Variants in PDE4D observed in about 807,000 individuals in gnomAD.
PDE4D encodes the protein 3',5'-cyclic-AMP phosphodiesterase 4D.
A neutral mutation model predicts 87.4 loss-of-function variants in PDE4D; 24 were observed. The observed-to-expected ratio is 0.27, with a 90% CI of 0.20 to 0.39. PDE4D has a LOEUF of 0.39. Among genes scored for constraint, PDE4D ranks in the 10% least tolerant of loss-of-function variants. PDE4D has a pLI of 1.00. For missense variants in PDE4D, 714 were observed against 1,041.0 expected (o/e 0.69, Z 4.32); for synonymous variants, 384 against 383.2 (o/e 1.00, Z -0.02).
At chr5:59,075,183 C>T (rs1156740566) in intron 5 of PDE4D, among the ~76,000 whole-genome samples, 1 of 150,614 alleles carries the variant, frequency 6.6e-6, no homozygotes, top group Non-Finnish European at 1.5e-5. Flanking sequence ...TAACTAGTTT[C>T]CATGGATGGA....
At chr5:59,782,724 A>G (rs1334019335) in intron 1 of PDE4D, among the ~76,000 whole-genome samples, 2 of 152,236 alleles carry the variant, frequency 1.3e-5, no homozygotes, top group Non-Finnish European at 2.9e-5. Flanking sequence ...TTTCTGCCAA[A>G]GTAATACAGT....
intron 1 of PDE4D, among the ~76,000 whole-genome samples, chr5:59,562,768 A>G (rs1561213007): frequency 6.6e-6 from 1 of 152,160 alleles, no homozygotes; most frequent in African/African-American, 2.4e-5. Context: ...CAGGAAACTG[A>G]TAACAGTGGC....
intron 2 of PDE4D, among the ~76,000 whole-genome samples, chr5:60,000,664 TG>T (rs1763933919): frequency 6.6e-6 from 1 of 152,152 alleles, no homozygotes; most frequent in Non-Finnish European, 1.5e-5. Flanking sequence ...AATATTGCAA[TG>T]GTGGTGCATA....
At chr5:59,631,988 A>G (rs772875086) in intron 1 of PDE4D, among the ~76,000 whole-genome samples, 8 of 152,168 alleles carry the variant, frequency 5.3e-5, no homozygotes, top group African/African-American at 9.7e-5. Flanking sequence ...GCTAAGATAC[A>G]CTGGCTTGAA....
intron 2 of PDE4D, among the ~76,000 whole-genome samples, chr5:60,052,825 A>G (rs2152880808): frequency 6.6e-6 from 1 of 152,348 alleles, no homozygotes; most frequent in South Asian, 2.1e-4. Context: ...TAAGCTGATA[A>G]GCAACTTCAG....
chr5:59,380,388 CAAA>C lies in PDE4D; in HGVS notation c.456-164423_456-164421del, dbSNP rs10574102. Among the ~76,000 whole-genome samples the C allele has an allele frequency of 5.2e-3, 565 of 108,908 alleles. 19 individuals are homozygous for C. The East Asian group carries it at 0.082, about 16-fold the overall frequency. The allele number at this position is 108,908 out of a possible 152,430, so 71.4% of individuals were successfully genotyped here. A position where few individuals can be genotyped will look rare whatever the true frequency, so the allele number is the denominator to read the frequency against. On this transcript the variant is annotated intron_variant, in intron 1 of 14. Coordinates refer to ENST00000340635, the MANE Select transcript of PDE4D (RefSeq NM_001104631.2). ...ATTTTATGAAAGGGCCAAAAGCAAT[CAAA>C]AAAAAAAAAAAAAAAGAGAGAGAAA...
intron 1 of PDE4D, among the ~76,000 whole-genome samples, chr5:60,452,834 C>T (rs1241987488): frequency 6.6e-6 from 1 of 151,964 alleles, no homozygotes; most frequent in Non-Finnish European, 1.5e-5. Context: ...AAAGTAGCAT[C>T]TTCATGTTTT....
intron 1 of PDE4D, among the ~76,000 whole-genome samples, chr5:60,208,522 G>A (rs978040535): frequency 3.9e-5 from 6 of 152,112 alleles, no homozygotes; most frequent in Non-Finnish European, 8.8e-5. Context: ...AAGCCAAAGA[G>A]AATAGCAGGA....
chr5:59,253,603 T>TCTA (rs1243065692), intron 1 of PDE4D, among the ~76,000 whole-genome samples: 2 of 152,180 alleles, frequency 1.3e-5, no homozygotes, highest in African/African-American at 4.8e-5. Context: ...GACTTTTAAC[T>TCTA]CTAAGTAAAG....
At chr5:60,479,480 A>G (rs1323897294) in intron 1 of PDE4D, among the ~76,000 whole-genome samples, 2 of 152,222 alleles carry the variant, frequency 1.3e-5, no homozygotes, top group African/African-American at 2.4e-5. Context: ...AATACATTTA[A>G]GGGATGTGGT....
chr5:60,028,021 C>T (rs1766820315), intron 2 of PDE4D, among the ~76,000 whole-genome samples: 1 of 152,144 alleles, frequency 6.6e-6, no homozygotes, highest in Non-Finnish European at 1.5e-5. Flanking sequence ...TCATTCACCT[C>T]CAAACAGAGG....
chr5:59,733,701 T>A (rs946651005), intron 1 of PDE4D, among the ~76,000 whole-genome samples: 6 of 152,026 alleles, frequency 3.9e-5, no homozygotes, highest in Admixed American at 1.3e-4. Flanking sequence ...CAATGTTGTT[T>A]TTGTGAATGG....
intron 1 of PDE4D, among the ~76,000 whole-genome samples, chr5:59,375,655 T>C (rs1784590083): frequency 6.6e-6 from 1 of 152,058 alleles, no homozygotes; most frequent in Admixed American, 6.6e-5. Context: ...TCCCCAAAAC[T>C]GAGAAGGATG....
chr5:59,808,236 G>A lies in PDE4D; in HGVS notation c.455+84932C>T, dbSNP rs548825787. On this transcript the variant is annotated intron_variant, in intron 1 of 14. Transcript: ENST00000340635. The stretch of plus-strand genomic sequence containing the variant: ...CAGCCCAGTGACATCCTGTGGGACA[G>A]CTGTCATTGTCCTCCATAGTCATTC... Among the ~76,000 whole-genome samples the A allele has an allele frequency of 1.2e-4, 18 of 152,214 alleles. 1 individual carries two copies. In the South Asian group the frequency reaches 1.5e-3, roughly 12 times the overall value.
chr5:58,984,077 GAGTT>G (rs3061308), intron 11 of PDE4D, among the ~76,000 whole-genome samples: 130,250 of 151,788 alleles, frequency 0.86, 55,913 homozygotes, highest in Admixed American at 0.9. Flanking sequence ...GCTTAGCCTT[GAGTT>G]AGTTAGAAAA....
chr5:59,649,311 G>A (rs906329979), intron 1 of PDE4D, among the ~76,000 whole-genome samples: 1 of 152,196 alleles, frequency 6.6e-6, no homozygotes, highest in Non-Finnish European at 1.5e-5. Flanking sequence ...GCAACAGCAT[G>A]ATATAAATCC....
At chr5:59,257,666 C>T (rs181768755) in intron 1 of PDE4D, among the ~76,000 whole-genome samples, 3 of 152,042 alleles carry the variant, frequency 2.0e-5, no homozygotes, top group East Asian at 1.9e-4. Flanking sequence ...GAGAATTCAG[C>T]GAGGGTTGCC....
intron 2 of PDE4D, among the ~76,000 whole-genome samples, chr5:60,000,755 G>T (rs1465773518): frequency 6.6e-6 from 1 of 152,138 alleles, no homozygotes; most frequent in African/African-American, 2.4e-5. Flanking sequence ...AATATAAAAA[G>T]CTGTAATATG....
intron 1 of PDE4D, among the ~76,000 whole-genome samples, chr5:59,468,585 T>G (rs1279537388): frequency 6.6e-6 from 1 of 152,220 alleles, no homozygotes; most frequent in Non-Finnish European, 1.5e-5. Context: ...AAGGAATGAC[T>G]GTAGAAGTTG....
Sources: allele counts gnomAD v4.1 joint callset (sites outside exome capture counted in the v4.1 genomes callset), GRCh38; gene constraint gnomAD v4.1.1; transcripts MANE v1.5; gene names NCBI Gene and HGNC (gene_info 2026-07-23, HGNC 2026-07-21).